PGM1: variants seen among roughly 807,000 people sequenced by gnomAD.
PGM1 encodes phosphoglucomutase-1.
Under a neutral mutation model 55.6 loss-of-function variants are expected in PGM1, and 52 were observed. That is an observed-to-expected ratio of 0.94 (90% CI 0.75 to 1.18). The LOEUF (loss-of-function observed/expected upper bound fraction) is 1.18, where lower values mean the gene tolerates loss of function less well. PGM1 is among the 50% of genes most tolerant of loss of function. The pLI is 0.00. For missense variants in PGM1, 724 were observed against 729.3 expected (o/e 0.99, Z 0.08); for synonymous variants, 287 against 271.7 (o/e 1.06, Z -0.55).
In PGM1 at chr1:63,634,964, T is replaced by G; in HGVS notation, c.818T>G (p.Val273Gly). 1 of 1,614,014 alleles carries G rather than the reference T, an allele frequency of 6.2e-7. No homozygotes were observed. Among genetic ancestry groups the G allele is most frequent in the Non-Finnish European group, 8.5e-7 (1 of 1,179,998 alleles). ...DPNLTYAADLVETMKSGEHDF... is the reference protein window; with the variant it reads ...DPNLTYAADLGETMKSGEHDF... ...AACCTCACCTATGCAGCTGACCTGG[T>G]GGAGACCATGAAGTCAGGAGAGCAT... Residue 273 changes from valine (V) to glycine (G), a missense_variant, in exon 5 of 11, where the codon GTG (valine) becomes GGG (glycine). By Grantham distance (109) the Val-to-Gly change is moderately radical. This residue lies in a region of PGM1 where 379 missense variants were observed against 357.5 expected (regional missense o/e 1.06). Coordinates refer to ENST00000371084, the MANE Select transcript of PGM1 (RefSeq NM_002633.3).
chr1:63,596,283 G>A (rs1367076571), intron 1 of PGM1, among the ~76,000 whole-genome samples: 5 of 136,284 alleles, frequency 3.7e-5, no homozygotes, highest in Non-Finnish European at 7.7e-5. Flanking sequence ...TTTTGAGACG[G>A]AGTCTTACTC....
At chr1:63,625,196 G>A (rs1442406692) in intron 1 of PGM1, among the ~76,000 whole-genome samples, 1 of 152,194 alleles carries the variant, frequency 6.6e-6, no homozygotes. Flanking sequence ...GAAGTGGTAG[G>A]AATGTGTAAT....
chr1:63,623,584 A>G (rs745756955), intron 1 of PGM1: 6 of 1,612,750 alleles, frequency 3.7e-6, no homozygotes, highest in Admixed American at 1.7e-5. Context: ...TGGATTACGG[A>G]AGAAAACCTA....
chr1:63,656,690 A>G (rs115973967), intron 10 of PGM1, among the ~76,000 whole-genome samples: 1,968 of 152,230 alleles, frequency 0.013, 16 homozygotes, highest in Middle Eastern at 0.024. Flanking sequence ...AACATGGATG[A>G]ACCTGGAGGA....
chr1:63,629,700 AG>A (rs1649142048), intron 2 of PGM1, 113 bp downstream of exon 2: 2 of 1,115,062 alleles, frequency 1.8e-6, no homozygotes, highest in East Asian at 4.8e-5. Flanking sequence ...GGGGGTAGGG[AG>A]GTGCTCTTTG....
chr1:63,602,620 G>C (rs1648276364), intron 1 of PGM1, among the ~76,000 whole-genome samples: 1 of 84,972 alleles, frequency 1.2e-5, no homozygotes, highest in African/African-American at 6.3e-5. Flanking sequence ...GAATTGAAAT[G>C]TTGCTCAAGA....
rs1169413151 is a variant in PGM1 at position 63,629,569 on chromosome 1, T to C, written c.391T>C (p.Phe131Leu). The change falls in exon 2 of 11, where the codon TTC becomes CTC. Residue 131 changes from phenylalanine to leucine, a missense_variant. Physicochemically the swap from Phe to Leu is conservative, Grantham distance 22. Transcript: ENST00000371084. Reference protein sequence around the residue: ...GGPNGDFGIKFNISNGGPAPE... With the variant: ...GGPNGDFGIKLNISNGGPAPE... ...CCCCAATGGAGATTTTGGAATCAAATTCAATATTTCTAATGGAGGTGAGTT... is the reference window on the plus strand; with the variant it reads ...CCCCAATGGAGATTTTGGAATCAAACTCAATATTTCTAATGGAGGTGAGTT... The C allele has an allele frequency of 6.2e-7, 1 of 1,613,676 alleles. No homozygotes were observed. The highest frequency in any genetic ancestry group is 1.3e-5 in the African/African-American group (1 of 74,882).
intron 4 of PGM1, among the ~76,000 whole-genome samples, chr1:63,633,812 C>T (rs1009622986): frequency 1.3e-5 from 2 of 148,494 alleles, no homozygotes; most frequent in Non-Finnish European, 3.0e-5. Context: ...GGATTACAGG[C>T]GCCCGCCACC....
At chr1:63,612,304 CCA>C (rs1280308390) in intron 1 of PGM1, among the ~76,000 whole-genome samples, 3 of 152,086 alleles carry the variant, frequency 2.0e-5, no homozygotes, top group African/African-American at 2.4e-5. Context: ...CTTTCTTTAA[CCA>C]GCAGGTTACG....
intron 2 of PGM1, 110 bp downstream of exon 2, chr1:63,629,697 G>A: frequency 1.8e-6 from 2 of 1,131,606 alleles, no homozygotes; most frequent in South Asian, 1.3e-5. Context: ...GCAGGGGGTA[G>A]GGAGGTGCTC....
intron 1 of PGM1, among the ~76,000 whole-genome samples, chr1:63,604,917 C>CGTGTGTGTGTG (rs1451319454): frequency 1.7e-5 from 2 of 118,786 alleles, no homozygotes; most frequent in East Asian, 2.7e-4. Flanking sequence ...TTACATAACT[C>CGTGTGTGTGTG]TGTGTGTGTG....
chr1:63,637,974 T>C lies in PGM1; in HGVS notation c.1029-711T>C, dbSNP rs528488966. Among the ~76,000 whole-genome samples the C allele has an allele frequency of 7.4e-4, 112 of 151,104 alleles. 1 individual carries two copies. In the South Asian group the frequency reaches 0.022, roughly 29 times the overall value. ...TCGCTCAAACAGTGAATGGAACTTA[T>C]CAGGTAACTTTTCATGTTCAAAGGG... is the stretch of plus-strand genomic sequence containing the variant. On this transcript the variant is annotated intron_variant, in intron 6 of 10. Transcript: ENST00000371084.
At chr1:63,646,359 T>C (rs931166074) in intron 7 of PGM1, among the ~76,000 whole-genome samples, 4 of 152,142 alleles carry the variant, frequency 2.6e-5, no homozygotes, top group Non-Finnish European at 5.9e-5. Flanking sequence ...AAATGAGAGT[T>C]GTGTTCCATA....
At chr1:63,633,340 A>G (rs2100985345) in intron 4 of PGM1, among the ~76,000 whole-genome samples, 1 of 152,294 alleles carries the variant, frequency 6.6e-6, no homozygotes, top group Non-Finnish European at 1.5e-5. Flanking sequence ...ATTGGGTAAG[A>G]GGAGCTTCTC....
At chr1:63,650,473 G>A (rs1398900638) in intron 8 of PGM1, among the ~76,000 whole-genome samples, 2 of 152,152 alleles carry the variant, frequency 1.3e-5, no homozygotes, top group African/African-American at 2.4e-5. Flanking sequence ...GTTAACTAGG[G>A]GAAAGAGCTG....
chr1:63,618,741 T>C (rs1648809576), intron 1 of PGM1, among the ~76,000 whole-genome samples: 2 of 152,208 alleles, frequency 1.3e-5, no homozygotes, highest in Non-Finnish European at 2.9e-5. Flanking sequence ...GCCAAGGGTC[T>C]GGATGTGGAG....
chr1:63,651,014 A>G (rs957059497), intron 8 of PGM1, among the ~76,000 whole-genome samples: 10 of 152,084 alleles, frequency 6.6e-5, no homozygotes, highest in Admixed American at 6.6e-5. Context: ...ACCATGGCAC[A>G]TTTACCTATA....
intron 9 of PGM1, among the ~76,000 whole-genome samples, chr1:63,652,781 A>G (rs894020756): frequency 3.3e-5 from 5 of 152,286 alleles, no homozygotes; most frequent in Admixed American, 1.3e-4. Flanking sequence ...GAATGGATGG[A>G]TGGGCCACAG....
intron 4 of PGM1, among the ~76,000 whole-genome samples, chr1:63,633,870 G>C (rs916148920): frequency 0.017 from 171 of 9,978 alleles, 11 homozygotes; most frequent in Non-Finnish European, 0.018. Flanking sequence ...GTGTCTCTGT[G>C]TGTGTGTGTG....
Sources: allele counts gnomAD v4.1 joint callset (sites outside exome capture counted in the v4.1 genomes callset), GRCh38; gene constraint gnomAD v4.1.1; regional missense constraint gnomAD v4.1.1; transcripts MANE v1.5; gene names NCBI Gene and HGNC (gene_info 2026-07-23, HGNC 2026-07-21).